Variants in ANK1 observed in about 807,000 individuals in gnomAD.
ANK1 encodes ankyrin-1.
Under a neutral mutation model 210.4 loss-of-function variants are expected in ANK1, and 51 were observed. The observed-to-expected ratio is 0.24, with a 90% CI of 0.19 to 0.31. The LOEUF (loss-of-function observed/expected upper bound fraction) is 0.31, where lower values mean the gene tolerates loss of function less well. ANK1 is among the 10% of genes least tolerant of loss of function. The probability of loss-of-function intolerance (pLI) is 1.00; values close to 1 mark genes in which losing one functional copy is unlikely to be tolerated. For synonymous variants in ANK1, 967 were observed against 1,025.9 expected, an observed-to-expected ratio of 0.94 and a Z score of 1.10; for missense variants, 2,051 against 2,504.4, an observed-to-expected ratio of 0.82 and a Z score of 3.86.
intron 1 of ANK1, among the ~76,000 whole-genome samples, chr8:41,774,270 G>C (rs10099921): frequency 0.54 from 81,862 of 152,070 alleles, 23,643 homozygotes; most frequent in Middle Eastern, 0.68. Flanking sequence ...GCTCCCACCA[G>C]TCATGCTGAA....
chr8:41,792,817 C>T (rs1489946922), intron 1 of ANK1, among the ~76,000 whole-genome samples: 1 of 152,198 alleles, frequency 6.6e-6, no homozygotes, highest in Admixed American at 6.5e-5. Context: ...TTTTCAATCG[C>T]AGGTTTGTGA....
intron 37 of ANK1, among the ~76,000 whole-genome samples, chr8:41,679,610 G>T (rs958548146): frequency 7.6e-5 from 11 of 144,284 alleles, no homozygotes; most frequent in East Asian, 2.1e-4. Context: ...TGGCCCAGGC[G>T]GGAGTGCAGT....
At chr8:41,675,862 G>A (rs182986925) in intron 37 of ANK1, among the ~76,000 whole-genome samples, 2 of 152,290 alleles carry the variant, frequency 1.3e-5, no homozygotes, top group East Asian at 3.9e-4. Context: ...GATTCATACA[G>A]TATGCACTCT....
chr8:41,853,559 A>G (rs1811643436), intron 1 of ANK1, among the ~76,000 whole-genome samples: 2 of 152,124 alleles, frequency 1.3e-5, no homozygotes. Context: ...CCTTTTAAAA[A>G]TCAAATTTAT....
chr8:41,668,260 C>T lies in ANK1; in HGVS notation c.5394+7G>A, dbSNP rs761575670. On this transcript the variant is annotated splice_region_variant and intron_variant, in intron 39 of 42. Transcript: ENST00000289734. Reference sequence around the variant, plus strand: ...ACAGCAGCACGCAGCTCCCCTCGGGCTCTCACCTGCACCACTTGGGTGAAG... The same window carrying T: ...ACAGCAGCACGCAGCTCCCCTCGGGTTCTCACCTGCACCACTTGGGTGAAG... The T allele has an allele frequency of 3.1e-6, 5 of 1,614,140 alleles. No homozygotes were observed. The highest frequency in any genetic ancestry group is 4.2e-6 in the Non-Finnish European group (5 of 1,180,056).
intron 38 of ANK1, 60 bp from the exon 39 acceptor site, chr8:41,668,624 C>G: frequency 2.0e-6 from 3 of 1,531,480 alleles, no homozygotes; most frequent in Non-Finnish European, 1.8e-6. Flanking sequence ...CACCTGGTCA[C>G]CCATCAGTCT....
Position 41,692,229 on chromosome 8 carries a change from G to A in ANK1, c.3858+419C>T, listed in dbSNP as rs530704776. On this transcript the variant is annotated intron_variant, in intron 31 of 42. Coordinates refer to ENST00000289734, the MANE Select transcript of ANK1 (RefSeq NM_000037.4). The stretch of plus-strand genomic sequence containing the variant: ...GTGCCATCATGCCCGGCTAATTTTT[G>A]TATTTTTAGTAGAGACAGGGTTTCA... Among the ~76,000 whole-genome samples the A allele has an allele frequency of 8.4e-3, 1,278 of 152,142 alleles. 15 individuals are homozygous for A. Among genetic ancestry groups the A allele is most frequent in the Non-Finnish European group, 0.012 (825 of 67,972 alleles).
chr8:41,733,916 G>A (rs1832804699), intron 3 of ANK1, 55 bp downstream of exon 3: 4 of 1,410,930 alleles, frequency 2.8e-6, no homozygotes, highest in South Asian at 1.2e-5. Context: ...TCTAAGGAAG[G>A]ACTCACAAAC....
chr8:41,893,617 A>G (rs1252606959), intron 1 of ANK1, among the ~76,000 whole-genome samples: 2 of 152,254 alleles, frequency 1.3e-5, no homozygotes, highest in Non-Finnish European at 2.9e-5. Flanking sequence ...CTGCTCAGTC[A>G]GTCCCTGGTA....
At position 41,795,738 on chromosome 8, in the gene ANK1, C is replaced by T. The variant is rs189306012; in HGVS notation, c.27+1774G>A. Among the ~76,000 whole-genome samples the T allele has an allele frequency of 7.3e-4, 110 of 151,400 alleles. 1 individual carries two copies. The highest frequency in any genetic ancestry group is 7.2e-3 in the Admixed American group (109 of 15,176). On this transcript the variant is annotated intron_variant, in intron 1 of 42. Transcript: ENST00000289734. ...GACCTAGAGAATAGAATAATAGATA[C>T]CAGAGACCAGGAAGGGTGGGTGGGG...
intron 2 of ANK1, among the ~76,000 whole-genome samples, chr8:41,735,290 C>A (rs566807404): frequency 6.6e-6 from 1 of 152,224 alleles, no homozygotes; most frequent in Non-Finnish European, 1.5e-5. Flanking sequence ...TCAATTCCAA[C>A]GGATGAGTCG....
chr8:41,702,185 G>A lies in ANK1; in HGVS notation c.2296-41C>T, dbSNP rs981365065. 10 of 1,549,880 alleles carry A rather than the reference G, an allele frequency of 6.5e-6. No homozygotes were observed. The Admixed American group carries it at 1.7e-4, about 26-fold the overall frequency. On this transcript the variant is annotated intron_variant, in intron 20 of 42. Transcript: ENST00000289734. ...CCCGGGTGCAGTCAGACAGGGGATG[G>A]AGTCTAGGAGGCGGGGCTGGCTCCC... is the stretch of plus-strand genomic sequence containing the variant.
intron 35 of ANK1, among the ~76,000 whole-genome samples, chr8:41,687,334 CCACTCG>C (rs1817962942): frequency 6.6e-6 from 1 of 152,222 alleles, no homozygotes. Flanking sequence ...TGGATACTGA[CCACTCG>C]CACCCCCATT....
At chr8:41,711,185 C>T (rs141326215) in intron 16 of ANK1, among the ~76,000 whole-genome samples, 259 of 152,270 alleles carry the variant, frequency 1.7e-3, no homozygotes, top group African/African-American at 5.8e-3. Flanking sequence ...GATGCAGGGT[C>T]GGCTCAAAAC....
At chr8:41,805,619 T>C (rs1402095278) in intron 1 of ANK1, among the ~76,000 whole-genome samples, 2 of 152,326 alleles carry the variant, frequency 1.3e-5, no homozygotes, top group African/African-American at 4.8e-5. Context: ...ACTGAGAGTT[T>C]CTAAAACTAT....
intron 1 of ANK1, among the ~76,000 whole-genome samples, chr8:41,821,404 C>G (rs1457047300): frequency 1.3e-5 from 2 of 152,058 alleles, no homozygotes; most frequent in Non-Finnish European, 2.9e-5. Context: ...GTGGTCATCT[C>G]CTTTATTAAA....
intron 23 of ANK1, among the ~76,000 whole-genome samples, chr8:41,698,722 A>G (rs368810790): frequency 1.3e-5 from 2 of 152,168 alleles, no homozygotes; most frequent in Non-Finnish European, 2.9e-5. Flanking sequence ...TGTACCTAAC[A>G]TACCTCAGGG....
chr8:41,765,005 G>A (rs1156257517), intron 1 of ANK1, among the ~76,000 whole-genome samples: 1 of 152,130 alleles, frequency 6.6e-6, no homozygotes, highest in East Asian at 1.9e-4. Context: ...TTGAGTCTAG[G>A]TAGCATACTT....
upstream of ANK1, among the ~76,000 whole-genome samples, chr8:41,801,198 A>T (rs530038823): frequency 2.7e-5 from 4 of 150,674 alleles, no homozygotes; most frequent in Admixed American, 1.3e-4. Flanking sequence ...GCAGCCTTGA[A>T]CTCCTGGGCT....
Sources: gnomAD v4.1 joint callset for allele counts (sites outside exome capture counted in the v4.1 genomes callset) on GRCh38, gnomAD v4.1.1 for gene constraint, MANE v1.5 for transcripts, NCBI Gene and HGNC (gene_info 2026-07-23, HGNC 2026-07-21) for gene names.